HACD1: variants seen among roughly 807,000 people sequenced by gnomAD.
HACD1 encodes the protein 3-hydroxyacyl-CoA dehydratase 1, also known as very-long-chain (3R)-3-hydroxyacyl-CoA dehydratase 1.
HACD1 carries 41 observed loss-of-function variants against 32.0 expected under a neutral mutation model. That is an observed-to-expected ratio of 1.28 (90% confidence interval 1.00 to 1.66). HACD1 has a LOEUF of 1.66. Among genes scored for constraint, HACD1 ranks in the 40% most tolerant of loss-of-function variants. The pLI, the probability that HACD1 is intolerant of heterozygous loss-of-function variation, is 0.00. For missense variants in HACD1, 396 were observed against 380.1 expected (o/e 1.04, Z -0.35); for synonymous variants, 142 against 139.0 (o/e 1.02, Z -0.15).
At chr10:17,595,795 T>C (rs1323310014) in intron 5 of HACD1, among the ~76,000 whole-genome samples, 1 of 152,020 alleles carries the variant, frequency 6.6e-6, no homozygotes, top group African/African-American at 2.4e-5. Context: ...AAGACCACTC[T>C]GGGCGATATA....
intron 5 of HACD1, among the ~76,000 whole-genome samples, chr10:17,595,077 T>C (rs1279125205): frequency 3.3e-5 from 5 of 152,070 alleles, no homozygotes; most frequent in African/African-American, 1.2e-4. Flanking sequence ...CAGGCTGGTC[T>C]TGAACTCCTG....
At chr10:17,615,788 GA>G (rs1833070118) in intron 1 of HACD1, 1 of 423,240 alleles carries the variant, frequency 2.4e-6, no homozygotes, top group Admixed American at 2.5e-5. Flanking sequence ...CCAACATGGT[GA>G]TACCCTGTCT....
intron 5 of HACD1, chr10:17,599,038 C>T: frequency 1.2e-5 from 7 of 561,676 alleles, no homozygotes; most frequent in Non-Finnish European, 1.7e-5. Flanking sequence ...ATGACTAATT[C>T]TGAGGTTAAG....
rs879967256 is a variant in HACD1, at chr10:17,602,892, A to AT, written c.483+667dup. ...AATACTCAATGCTAAATAAGATATAATTTTTTTTTTTTTCAGACGGAGTCT... is the reference window on the plus strand; with the variant it reads ...AATACTCAATGCTAAATAAGATATAATTTTTTTTTTTTTTCAGACGGAGTCT... On this transcript the variant is annotated intron_variant, in intron 4 of 6. Transcript: ENST00000361271. 460 of 145,544 alleles carry AT rather than the reference A, an allele frequency of 3.2e-3. 1 individual carries two copies. Among genetic ancestry groups the AT allele is most frequent in the African/African-American group, 5.4e-3 (216 of 39,994 alleles). 9.0% of individuals were successfully genotyped at this position (145,544 alleles called of 1,614,324 possible). A position where few individuals can be genotyped will look rare whatever the true frequency, so the allele number is the denominator to read the frequency against.
chr10:17,603,879 T>A (rs1403002363), intron 2 of HACD1, 51 bp downstream of exon 2: 4 of 1,512,444 alleles, frequency 2.6e-6, no homozygotes, highest in Non-Finnish European at 3.7e-6. Flanking sequence ...CAACAAAAAA[T>A]GTTCACATAA....
intron 1 of HACD1, among the ~76,000 whole-genome samples, chr10:17,607,486 A>G (rs542339638): frequency 1.9e-4 from 29 of 152,296 alleles, no homozygotes; most frequent in African/African-American, 7.0e-4. Context: ...TTATTAAGAT[A>G]TTTTCATTCA....
chr10:17,603,702 T>C (rs782792501), intron 3 of HACD1, 24 bp downstream of exon 3: 4 of 1,604,690 alleles, frequency 2.5e-6, no homozygotes, highest in South Asian at 2.2e-5. Flanking sequence ...ATAATAAAAG[T>C]ATAAAATTGA....
At chr10:17,614,414 GC>G (rs1365166991) in intron 1 of HACD1, among the ~76,000 whole-genome samples, 2 of 152,146 alleles carry the variant, frequency 1.3e-5, no homozygotes, top group Non-Finnish European at 2.9e-5. Flanking sequence ...GTGCCACCAT[GC>G]CCGGCTAATT....
At chr10:17,596,690 T>G (rs1288803286) in intron 5 of HACD1, among the ~76,000 whole-genome samples, 1 of 152,100 alleles carries the variant, frequency 6.6e-6, no homozygotes, top group Non-Finnish European at 1.5e-5. Flanking sequence ...TAACTATGGA[T>G]AGACCACATT....
At chr10:17,594,761 T>A (rs553001670) in intron 5 of HACD1, among the ~76,000 whole-genome samples, 226 of 152,242 alleles carry the variant, frequency 1.5e-3, no homozygotes, top group Non-Finnish European at 2.7e-3. Flanking sequence ...AACCTCCACC[T>A]CCTGGGTTCA....
chr10:17,594,085 C>T (rs1484599547), intron 6 of HACD1, 120 bp downstream of exon 6: 8 of 948,878 alleles, frequency 8.4e-6, no homozygotes, highest in Admixed American at 3.9e-5. Context: ...GGAGTTAAAC[C>T]GAAGTTTTAA....
intron 1 of HACD1, chr10:17,615,967 A>G (rs1833075003): frequency 3.5e-6 from 1 of 283,174 alleles, no homozygotes; most frequent in Non-Finnish European, 7.2e-6. Flanking sequence ...GTCTCCGTCT[A>G]AAAAATAAAA....
At chr10:17,615,785 G>C (rs1038387160) in intron 1 of HACD1, 3 of 419,236 alleles carry the variant, frequency 7.2e-6, no homozygotes, top group Non-Finnish European at 1.4e-5. Context: ...TGGCCAACAT[G>C]GTGATACCCT....
intron 1 of HACD1, among the ~76,000 whole-genome samples, chr10:17,609,709 G>C (rs1554817316): frequency 6.6e-6 from 1 of 152,134 alleles, no homozygotes. Context: ...TTGGAAACCA[G>C]TTTGGCGGTT....
chr10:17,596,693 A>G (rs1226553903), intron 5 of HACD1, among the ~76,000 whole-genome samples: 1 of 152,120 alleles, frequency 6.6e-6, no homozygotes, highest in Non-Finnish European at 1.5e-5. Context: ...CTATGGATAG[A>G]CCACATTAAA....
chr10:17,594,400 C>G lies in HACD1; in HGVS notation c.606-17G>C. 1 of 1,437,822 alleles carries G rather than the reference C, an allele frequency of 7.0e-7. No homozygotes were observed. Among genetic ancestry groups the G allele is most frequent in the Non-Finnish European group, 9.2e-7 (1 of 1,084,894 alleles). The allele number at this position is 1,437,822 out of a possible 1,614,324, so 89.1% of individuals were successfully genotyped here. On this transcript the variant is annotated splice_polypyrimidine_tract_variant and intron_variant, in intron 5 of 6. Coordinates refer to ENST00000361271, the MANE Select transcript of HACD1 (RefSeq NM_014241.4). ...AAATTATATCTGGAGAAAGAAAAAC[C>G]TCAGAGAATTATTTTTCTACAATAA...
At chr10:17,603,831 A>G in intron 2 of HACD1, 87 bp from the exon 3 acceptor site, 1 of 1,477,814 alleles carries the variant, frequency 6.8e-7, no homozygotes, top group Non-Finnish European at 9.4e-7. Context: ...GCAAATCCAT[A>G]GGTGGTATGT....
intron 5 of HACD1, among the ~76,000 whole-genome samples, chr10:17,597,470 T>G (rs113968419): frequency 3.9e-5 from 6 of 152,108 alleles, no homozygotes; most frequent in African/African-American, 1.4e-4. Flanking sequence ...AACAGCAAAT[T>G]TAAACATACG....
intron 6 of HACD1, among the ~76,000 whole-genome samples, chr10:17,593,370 C>T (rs1243940427): frequency 1.3e-5 from 2 of 151,170 alleles, no homozygotes; most frequent in Non-Finnish European, 2.9e-5. Flanking sequence ...GGCTGGAATG[C>T]AATGGCATCA....
Sources: gnomAD v4.1 joint callset for allele counts (sites outside exome capture counted in the v4.1 genomes callset) on GRCh38, gnomAD v4.1.1 for gene constraint, MANE v1.5 for transcripts, NCBI Gene and HGNC (gene_info 2026-07-23, HGNC 2026-07-21) for gene names.